The following DPF3 variants were observed in gnomAD, a reference collection of about 807,000 sequenced individuals.
The protein encoded by DPF3 is double PHD fingers 3, also known as zinc finger protein DPF3.
DPF3 carries 18 observed loss-of-function variants against 56.8 expected under a neutral mutation model. That is an observed-to-expected ratio of 0.32 (90% CI 0.22 to 0.47). The LOEUF (loss-of-function observed/expected upper bound fraction) is 0.47. Among genes scored for constraint, DPF3 ranks in the 20% least tolerant of loss-of-function variants. The pLI is 1.00. For missense variants in DPF3, 403 were observed against 488.8 expected, an observed-to-expected ratio of 0.82 and a Z score of 1.65; for synonymous variants, 188 against 180.2, an observed-to-expected ratio of 1.04 and a Z score of -0.35.
In DPF3 at chr14:72,734,798, G is replaced by A. The variant is rs148250026; in HGVS notation, c.302-2864C>T. Among the ~76,000 whole-genome samples, 81 of 152,254 alleles carry A rather than the reference G, an allele frequency of 5.3e-4. No homozygotes were observed. In the South Asian group the frequency reaches 9.8e-3, roughly 18 times the overall value. On this transcript the variant is annotated intron_variant, in intron 3 of 10. Coordinates refer to ENST00000556509, the MANE Select transcript of DPF3 (RefSeq NM_001280542.3). The stretch of plus-strand genomic sequence containing the variant: ...ATTTCCAAGTTGCCACTGAAATCAC[G>A]ACAATGGCCCCCTCTCATTGTATTC...
chr14:72,800,311 A>G (rs781522987), intron 1 of DPF3, among the ~76,000 whole-genome samples: 3 of 152,158 alleles, frequency 2.0e-5, no homozygotes, highest in Non-Finnish European at 4.4e-5. Flanking sequence ...TTCCTCATTT[A>G]CTTTACCTGC....
intron 2 of DPF3, among the ~76,000 whole-genome samples, chr14:72,760,718 C>CA (rs1418295649): frequency 2.0e-5 from 3 of 151,758 alleles, no homozygotes; most frequent in Non-Finnish European, 2.9e-5. Flanking sequence ...AATAAACCAA[C>CA]AAAAAAGAGA....
intron 1 of DPF3, among the ~76,000 whole-genome samples, chr14:72,802,029 A>G (rs546841641): frequency 6.6e-6 from 1 of 152,300 alleles, no homozygotes; most frequent in Admixed American, 6.5e-5. Context: ...GGCATGGGAT[A>G]AGCCATGGAA....
chr14:72,670,890 T>C, intron 8 of DPF3: 1 of 1,242,810 alleles, frequency 8.0e-7, no homozygotes. Context: ...CACGATGCCA[T>C]CTCTCGGAAG....
chr14:72,853,761 G>A lies in DPF3; in HGVS notation c.32+40296C>T, dbSNP rs150234896. On this transcript the variant is annotated intron_variant, in intron 1 of 10. Transcript: ENST00000556509. ...ATTACAGGCATGAGCCACCATGCCC[G>A]GCCTGCTACCTTTTTTACATACACA... 9.7e-3 allele frequency among the ~76,000 whole-genome samples: 1,474 copies of A among 152,134 alleles called. 14 individuals carry two copies. Among genetic ancestry groups the A allele is most frequent in the Middle Eastern group, 0.037 (11 of 294 alleles).
Position 72,731,836 on chromosome 14 carries a change from T to C in DPF3, c.400A>G (p.Arg134Gly), listed in dbSNP as rs778144673. 21 of 1,613,238 alleles carry C rather than the reference T, an allele frequency of 1.3e-5. No homozygotes were observed. In the South Asian group the frequency reaches 2.0e-4, roughly 15 times the overall value. ...GEGVEKKVDA[R>G]EEESIQEIQR... ...ATTTCCTGGATGCTTTCCTCCTCCC[T>C]GGCATCCACCTTCTTCTCAACCCCC... Residue 134 changes from arginine (R) to glycine (G), a missense_variant, in exon 4 of 11, where the codon AGG becomes GGG. Arg to Gly is a moderately radical substitution (Grantham distance 125, BLOSUM62 -2). Around this residue, in one of 2 missense-constraint regions of DPF3, gnomAD observed 340 missense variants for 374.3 expected, o/e 0.91. Transcript: ENST00000556509.
chr14:72,847,092 T>C (rs943719645), intron 1 of DPF3, among the ~76,000 whole-genome samples: 1 of 152,212 alleles, frequency 6.6e-6, no homozygotes, highest in Non-Finnish European at 1.5e-5. Flanking sequence ...TGGGAAGCTG[T>C]AAAACTGAAG....
intron 1 of DPF3, among the ~76,000 whole-genome samples, chr14:72,794,540 C>G (rs1348500265): frequency 6.6e-6 from 1 of 152,170 alleles, no homozygotes; most frequent in African/African-American, 2.4e-5. Context: ...TCCCCAGCAG[C>G]AGAAACCTAT....
chr14:72,812,591 C>T (rs1461904355), intron 1 of DPF3, among the ~76,000 whole-genome samples: 1 of 152,108 alleles, frequency 6.6e-6, no homozygotes, highest in African/African-American at 2.4e-5. Context: ...ATTCCTGAAA[C>T]ACTGCTGGCG....
chr14:72,622,093 T>TAAAGAC (rs1884486354), intron 9 of DPF3, among the ~76,000 whole-genome samples: 1 of 152,202 alleles, frequency 6.6e-6, no homozygotes, highest in South Asian at 2.1e-4. Flanking sequence ...GACCTTGTCT[T>TAAAGAC]CATGGAGAAG....
chr14:72,889,997 AT>A (rs1886688864), intron 1 of DPF3, among the ~76,000 whole-genome samples: 1 of 152,130 alleles, frequency 6.6e-6, no homozygotes, highest in African/African-American at 2.4e-5. Context: ...AATAATAATA[AT>A]TTTTTTCTAA....
At chr14:72,640,371 G>C (rs1885518754) in intron 8 of DPF3, among the ~76,000 whole-genome samples, 1 of 152,190 alleles carries the variant, frequency 6.6e-6, no homozygotes, top group Non-Finnish European at 1.5e-5. Flanking sequence ...ATGTGTTGGA[G>C]ATGGCTGGGG....
At chr14:72,636,756 T>C (rs1473632545) in intron 8 of DPF3, among the ~76,000 whole-genome samples, 4 of 152,206 alleles carry the variant, frequency 2.6e-5, no homozygotes, top group Non-Finnish European at 5.9e-5. Flanking sequence ...CTTCTAATGC[T>C]GAAGACACCT....
intron 1 of DPF3, among the ~76,000 whole-genome samples, chr14:72,887,129 A>G (rs1462986003): frequency 6.6e-6 from 1 of 150,542 alleles, no homozygotes; most frequent in Non-Finnish European, 1.5e-5. Context: ...CTGGCTGGAA[A>G]ATTGGTTACC....
intron 1 of DPF3, among the ~76,000 whole-genome samples, chr14:72,871,708 C>G (rs1048766394): frequency 6.6e-6 from 1 of 152,166 alleles, no homozygotes; most frequent in African/African-American, 2.4e-5. Flanking sequence ...GTGAGGCAGG[C>G]CCTACCTCCA....
At position 72,772,724 on chromosome 14, in the gene DPF3, G is replaced by C. The variant is rs547520346; in HGVS notation, c.33-831C>G. 3.9e-5 allele frequency among the ~76,000 whole-genome samples: 6 copies of C among 152,292 alleles called. No homozygotes were observed. The South Asian group carries it at 1.2e-3, about 32-fold the overall frequency. On this transcript the variant is annotated intron_variant, in intron 1 of 10. Transcript: ENST00000556509. ...AGTGTCCTTTTCAAAGACCAAAAATGGAGCATTGATATAATTGATCAAATG... is the reference window on the plus strand; with the variant it reads ...AGTGTCCTTTTCAAAGACCAAAAATCGAGCATTGATATAATTGATCAAATG...
intron 1 of DPF3, among the ~76,000 whole-genome samples, chr14:72,869,934 A>G (rs1885831941): frequency 6.6e-6 from 1 of 152,138 alleles, no homozygotes; most frequent in Non-Finnish European, 1.5e-5. Context: ...CAGAGCAGTC[A>G]GTTCAGAAAA....
intron 3 of DPF3, among the ~76,000 whole-genome samples, chr14:72,750,791 CAAAAAAAAAAAA>C (rs35754238): frequency 1.5e-5 from 1 of 65,952 alleles, no homozygotes; most frequent in Admixed American, 2.2e-4. Flanking sequence ...GAAAGAATCT[CAAAAAAAAAAAA>C]AAAAAAAAAA....
intron 3 of DPF3, among the ~76,000 whole-genome samples, chr14:72,740,088 A>ATCCAGGCAAAGACGT (rs1321796300): frequency 6.6e-6 from 1 of 152,122 alleles, no homozygotes; most frequent in Non-Finnish European, 1.5e-5. Context: ...CTACGCTGAC[A>ATCCAGGCAAAGACGT]TCCAGGCAAA....
Sources: allele counts gnomAD v4.1 joint callset (sites outside exome capture counted in the v4.1 genomes callset), GRCh38; gene constraint gnomAD v4.1.1; regional missense constraint gnomAD v4.1.1; transcripts MANE v1.5; gene names NCBI Gene and HGNC (gene_info 2026-07-23, HGNC 2026-07-21).